The following FSTL4 variants were observed in gnomAD, a reference collection of about 807,000 sequenced individuals.
FSTL4 encodes the protein follistatin-related protein 4.
FSTL4 carries 28 observed loss-of-function variants against 78.2 expected under a neutral mutation model. The observed-to-expected ratio is 0.36, with a 90% CI of 0.27 to 0.49. FSTL4 has a LOEUF of 0.49. Among genes scored for constraint, FSTL4 ranks in the 20% least tolerant of loss-of-function variants. The pLI is 0.98. For missense variants in FSTL4, 922 were observed against 1,084.9 expected, an observed-to-expected ratio of 0.85 and a Z score of 2.11; for synonymous variants, 422 against 440.5, an observed-to-expected ratio of 0.96 and a Z score of 0.53.
chr5:133,679,299 C>T, the FSTL4 span, among the ~76,000 whole-genome samples: 5 of 152,174 alleles, frequency 3.3e-5, no homozygotes, highest in African/African-American at 4.8e-5. Context: ...ATTCTCGGTA[C>T]AGTTTAGGCA....
intron 3 of FSTL4, among the ~76,000 whole-genome samples, chr5:133,530,096 T>G (rs753023050): frequency 1.3e-5 from 2 of 152,240 alleles, no homozygotes; most frequent in Non-Finnish European, 2.9e-5. Flanking sequence ...TGTGTATTTG[T>G]TTTTTGTTTG....
At chr5:133,261,162 A>G (rs986671917) in intron 6 of FSTL4, among the ~76,000 whole-genome samples, 3 of 152,144 alleles carry the variant, frequency 2.0e-5, no homozygotes, top group Non-Finnish European at 2.9e-5. Context: ...CGGAAATTCT[A>G]TCTCCATCAC....
chr5:133,785,641 T>C, the FSTL4 span, among the ~76,000 whole-genome samples: 15 of 152,276 alleles, frequency 9.9e-5, no homozygotes, highest in Admixed American at 7.8e-4. Flanking sequence ...GGTGCCATCT[T>C]CCAGAAGCAC....
At chr5:133,658,961 G>A in the FSTL4 span, among the ~76,000 whole-genome samples, 3 of 152,080 alleles carry the variant, frequency 2.0e-5, no homozygotes, top group Admixed American at 6.5e-5. Context: ...TAGCATCATG[G>A]TCAAGAACAT....
the FSTL4 span, among the ~76,000 whole-genome samples, chr5:133,680,928 GCA>G: frequency 0.55 from 83,364 of 152,008 alleles, 24,768 homozygotes; most frequent in East Asian, 0.74. Flanking sequence ...CTCATCATGG[GCA>G]CAGTCAGAAC....
intron 3 of FSTL4, among the ~76,000 whole-genome samples, chr5:133,543,642 T>C (rs1759519301): frequency 6.6e-6 from 1 of 152,168 alleles, no homozygotes; most frequent in African/African-American, 2.4e-5. Context: ...ATATTGTTTT[T>C]CATCTTTTAT....
chr5:133,516,496 C>T (rs397649), intron 3 of FSTL4, among the ~76,000 whole-genome samples: 42,655 of 151,874 alleles, frequency 0.28, 7,191 homozygotes, highest in African/African-American at 0.48. Flanking sequence ...TTGAGAAAAA[C>T]AGGAGGGTTG....
At chr5:133,674,613 G>C in the FSTL4 span, among the ~76,000 whole-genome samples, 7 of 146,620 alleles carry the variant, frequency 4.8e-5, no homozygotes, top group Admixed American at 3.5e-4. Context: ...GTGTGTGTCT[G>C]TGTGTGTGTG....
intron 13 of FSTL4, among the ~76,000 whole-genome samples, chr5:133,215,032 T>C (rs1344199329): frequency 6.6e-6 from 1 of 152,190 alleles, no homozygotes; most frequent in Non-Finnish European, 1.5e-5. Context: ...AGGCTTGCAT[T>C]CCACCATTAT....
intron 14 of FSTL4, chr5:133,202,810 G>C (rs1750372003): frequency 6.6e-6 from 1 of 152,408 alleles, no homozygotes; most frequent in Non-Finnish European, 1.5e-5. Context: ...GGCTGCCTCT[G>C]TTTCCCTGGA....
chr5:133,311,854 A>G (rs1467532735), intron 6 of FSTL4, among the ~76,000 whole-genome samples: 1 of 152,174 alleles, frequency 6.6e-6, no homozygotes, highest in Admixed American at 6.5e-5. Context: ...TTCTAATGTA[A>G]GGGGCTTCAT....
the FSTL4 span, among the ~76,000 whole-genome samples, chr5:133,737,602 CTTTTTTTTT>C: frequency 8.5e-6 from 1 of 117,626 alleles, no homozygotes; most frequent in Non-Finnish European, 1.7e-5. Flanking sequence ...GGCTGATTTC[CTTTTTTTTT>C]TTTTTTTTTT....
chr5:133,493,474 C>T (rs1042332130), intron 3 of FSTL4, among the ~76,000 whole-genome samples: 2 of 152,190 alleles, frequency 1.3e-5, no homozygotes, highest in Non-Finnish European at 2.9e-5. Context: ...AAGCTACTTG[C>T]CACATTCCTT....
intron 15 of FSTL4, among the ~76,000 whole-genome samples, chr5:133,200,995 T>A (rs1750302106): frequency 6.6e-6 from 1 of 152,208 alleles, no homozygotes; most frequent in East Asian, 1.9e-4. Flanking sequence ...CTTCATCATT[T>A]AATATACTCT....
At chr5:133,716,403 TTATATAAAC>T in the FSTL4 span, among the ~76,000 whole-genome samples, 1 of 150,576 alleles carries the variant, frequency 6.6e-6, no homozygotes, top group Non-Finnish European at 1.5e-5. Flanking sequence ...ATATATATTC[TTATATAAAC>T]TTAACCTGTT....
intron 3 of FSTL4, among the ~76,000 whole-genome samples, chr5:133,519,839 T>C: frequency 6.6e-6 from 1 of 152,208 alleles, no homozygotes; most frequent in East Asian, 1.9e-4. Flanking sequence ...GTCACATGCA[T>C]TTCATTTTGG....
the FSTL4 span, among the ~76,000 whole-genome samples, chr5:133,683,715 CGTT>C: frequency 6.6e-6 from 1 of 152,130 alleles, no homozygotes; most frequent in Non-Finnish European, 1.5e-5. Flanking sequence ...TAACCAAGGA[CGTT>C]GATTCCCAGA....
At chr5:133,429,881 AT>A (rs1343073955) in intron 3 of FSTL4, among the ~76,000 whole-genome samples, 1 of 152,122 alleles carries the variant, frequency 6.6e-6, no homozygotes, top group Non-Finnish European at 1.5e-5. Flanking sequence ...CTTCTCTCCT[AT>A]TTCAGGTTAA....
chr5:133,596,957 C>T (rs116382833), intron 2 of FSTL4, among the ~76,000 whole-genome samples: 153 of 152,336 alleles, frequency 1.0e-3, no homozygotes, highest in African/African-American at 3.5e-3. Flanking sequence ...CAAAGGATGG[C>T]TACCCATCAA....
Sources: allele counts gnomAD v4.1 joint callset (sites outside exome capture counted in the v4.1 genomes callset), GRCh38; gene constraint gnomAD v4.1.1; transcripts MANE v1.5; gene names NCBI Gene and HGNC (gene_info 2026-07-23, HGNC 2026-07-21).